Variants in CYREN observed in about 807,000 individuals in gnomAD.
The protein encoded by CYREN is cell cycle regulator of NHEJ, also known as cell cycle regulator of non-homologous end joining.
Under a neutral mutation model 9.7 loss-of-function variants are expected in CYREN, and 7 were observed. That is an observed-to-expected ratio of 0.72 (90% CI 0.41 to 1.36). CYREN has a LOEUF of 1.36. CYREN is among the 40% of genes most tolerant of loss of function. The pLI is 0.01. For missense variants in CYREN, 215 were observed against 198.1 expected, an observed-to-expected ratio of 1.09 and a Z score of -0.51; for synonymous variants, 76 against 77.9, an observed-to-expected ratio of 0.98 and a Z score of 0.13.
At chr7:135,130,918 A>G (rs1828662608) in intron 2 of CYREN, among the ~76,000 whole-genome samples, 1 of 152,172 alleles carries the variant, frequency 6.6e-6, no homozygotes, top group South Asian at 2.1e-4. Context: ...GCTTAGAAGC[A>G]AAGTAAAATT....
chr7:135,119,024 A>AG (rs1826733368), intron 2 of CYREN, among the ~76,000 whole-genome samples: 1 of 152,204 alleles, frequency 6.6e-6, no homozygotes, highest in African/African-American at 2.4e-5. Flanking sequence ...AGGCACCTGT[A>AG]GGACTATAAG....
intron 2 of CYREN, among the ~76,000 whole-genome samples, chr7:135,128,117 C>G (rs991631296): frequency 6.6e-6 from 1 of 151,584 alleles, no homozygotes; most frequent in Non-Finnish European, 1.5e-5. Context: ...TATGGTGAAA[C>G]CCCGTCTCTA....
chr7:135,159,090 A>G (rs1207356293), intron 2 of CYREN, among the ~76,000 whole-genome samples: 1 of 152,160 alleles, frequency 6.6e-6, no homozygotes, highest in Non-Finnish European at 1.5e-5. Context: ...CCACATCAGG[A>G]GCCTCTCCCG....
At chr7:135,146,793 G>A (rs1456170102) in intron 2 of CYREN, among the ~76,000 whole-genome samples, 1 of 152,212 alleles carries the variant, frequency 6.6e-6, no homozygotes, top group African/African-American at 2.4e-5. Context: ...AATGAGCACA[G>A]GTGAAAGTGC....
downstream of CYREN, chr7:135,164,784 C>T: frequency 6.2e-7 from 1 of 1,614,198 alleles, no homozygotes; most frequent in Admixed American, 1.7e-5. Context: ...AGCGTGGCGG[C>T]TGGCAGTGGG....
At chr7:135,138,539 G>A (rs570181536) in intron 2 of CYREN, among the ~76,000 whole-genome samples, 1 of 151,894 alleles carries the variant, frequency 6.6e-6, no homozygotes, top group African/African-American at 2.4e-5. Flanking sequence ...AGGTAGAATT[G>A]ATATACTAAA....
At chr7:135,100,215 G>A (rs1823619611) in intron 2 of CYREN, 1 of 151,630 alleles carries the variant, frequency 6.6e-6, no homozygotes, top group Non-Finnish European at 1.5e-5. Flanking sequence ...AAACACTGGT[G>A]GCATAAGATA....
At chr7:135,140,722 T>G (rs1042575658) in intron 2 of CYREN, among the ~76,000 whole-genome samples, 3 of 152,116 alleles carry the variant, frequency 2.0e-5, no homozygotes, top group Non-Finnish European at 4.4e-5. Flanking sequence ...CTTATTATTT[T>G]GAGGTATGTT....
chr7:135,122,398 A>C (rs1052972873), intron 2 of CYREN, among the ~76,000 whole-genome samples: 1 of 152,212 alleles, frequency 6.6e-6, no homozygotes, highest in African/African-American at 2.4e-5. Context: ...CCTGGGCCTG[A>C]GCCCCTAGCG....
At chr7:135,125,443 C>T (rs191095675) in intron 2 of CYREN, among the ~76,000 whole-genome samples, 30 of 152,196 alleles carry the variant, frequency 2.0e-4, no homozygotes, top group South Asian at 1.9e-3. Flanking sequence ...GACGGATTCA[C>T]GGCTGAATTT....
downstream of CYREN, among the ~76,000 whole-genome samples, chr7:135,163,589 G>A (rs936027779): frequency 9.2e-5 from 14 of 152,198 alleles, no homozygotes; most frequent in Non-Finnish European, 1.9e-4. Context: ...AGATTGCAGT[G>A]AGCCAAGATC....
At chr7:135,137,387 C>T (rs1405630757) in intron 2 of CYREN, among the ~76,000 whole-genome samples, 1 of 151,804 alleles carries the variant, frequency 6.6e-6, no homozygotes, top group Non-Finnish European at 1.5e-5. Context: ...TTCAGAATAT[C>T]CAAAAACTGC....
At chr7:135,172,372 C>G (rs1056347352), upstream of CYREN, among the ~76,000 whole-genome samples, 1 of 148,916 alleles carries the variant, frequency 6.7e-6, no homozygotes, top group African/African-American at 2.5e-5. Context: ...TTTTGAATTT[C>G]GTGATTTTGG....
chr7:135,126,290 C>T (rs909098637), intron 2 of CYREN, among the ~76,000 whole-genome samples: 7 of 152,110 alleles, frequency 4.6e-5, no homozygotes, highest in African/African-American at 1.2e-4. Flanking sequence ...CTCCCATTCA[C>T]GATTGCTACA....
At chr7:135,109,877 C>A (rs893841110) in intron 2 of CYREN, among the ~76,000 whole-genome samples, 9 of 152,210 alleles carry the variant, frequency 5.9e-5, no homozygotes, top group Admixed American at 1.3e-4. Context: ...GTGGCCCATC[C>A]TTTCTCGTGG....
chr7:135,170,937 C>G (rs763512070), upstream of CYREN: 1 of 152,216 alleles, frequency 6.6e-6, no homozygotes, highest in African/African-American at 2.4e-5. Context: ...AGCGAGGCAG[C>G]GCCACCGGCT....
chr7:135,135,895 T>C (rs1829327356), intron 2 of CYREN: 1 of 152,130 alleles, frequency 6.6e-6, no homozygotes, highest in Non-Finnish European at 1.5e-5. Flanking sequence ...AGACTGTGGT[T>C]TAAAATAATC....
At chr7:135,125,633 C>T (rs187575518) in intron 2 of CYREN, among the ~76,000 whole-genome samples, 4 of 152,046 alleles carry the variant, frequency 2.6e-5, no homozygotes, top group South Asian at 2.1e-4. Context: ...AACATCAATA[C>T]GAAAATCCTC....
intron 2 of CYREN, among the ~76,000 whole-genome samples, chr7:135,108,996 T>C (rs1420379381): frequency 1.3e-5 from 2 of 152,200 alleles, no homozygotes; most frequent in African/African-American, 2.4e-5. Flanking sequence ...CTTAGGGTTG[T>C]GTTGTGAAAT....
Sources: gnomAD v4.1 joint callset for allele counts (sites outside exome capture counted in the v4.1 genomes callset) on GRCh38, gnomAD v4.1.1 for gene constraint, MANE v1.5 for transcripts, NCBI Gene and HGNC (gene_info 2026-07-23, HGNC 2026-07-21) for gene names.